The following TNFSF4 variants were observed in gnomAD, a reference collection of about 807,000 sequenced individuals.
TNFSF4 encodes tumor necrosis factor ligand superfamily member 4.
TNFSF4 carries 4 observed loss-of-function variants against 7.3 expected under a neutral mutation model. That is an observed-to-expected ratio of 0.55 (90% CI 0.27 to 1.25). TNFSF4 has a LOEUF of 1.25. Among genes scored for constraint, TNFSF4 ranks in the 50% most tolerant of loss-of-function variants. The pLI is 0.12. For synonymous variants in TNFSF4, 76 were observed against 83.7 expected (o/e 0.91, Z 0.50); for missense variants, 181 against 208.8 (o/e 0.87, Z 0.82).
the TNFSF4 span, among the ~76,000 whole-genome samples, chr1:173,231,922 T>A: frequency 6.6e-6 from 1 of 152,100 alleles, no homozygotes; most frequent in South Asian, 2.1e-4. Flanking sequence ...GCTTTGTTCT[T>A]TTGGCTTAGG....
chr1:173,326,841 C>G, the TNFSF4 span, among the ~76,000 whole-genome samples: 2 of 152,146 alleles, frequency 1.3e-5, no homozygotes, highest in African/African-American at 4.8e-5. Context: ...AGGAGAACTA[C>G]AAACCACTGC....
the TNFSF4 span, among the ~76,000 whole-genome samples, chr1:173,244,741 C>T: frequency 1.4e-4 from 21 of 151,710 alleles, no homozygotes; most frequent in Middle Eastern, 6.8e-3. Flanking sequence ...TGTTCACAGC[C>T]GCGCAAATGA....
chr1:173,231,459 G>A, the TNFSF4 span, among the ~76,000 whole-genome samples: 1 of 152,028 alleles, frequency 6.6e-6, no homozygotes, highest in South Asian at 2.1e-4. Context: ...AATAATAATA[G>A]CTATTTATGA....
At chr1:173,318,616 T>C in the TNFSF4 span, among the ~76,000 whole-genome samples, 1 of 152,236 alleles carries the variant, frequency 6.6e-6, no homozygotes, top group African/African-American at 2.4e-5. Context: ...AATATATTTC[T>C]ATATACCAGA....
chr1:173,205,613 C>T, intron 1 of TNFSF4: 1 of 1,128,972 alleles, frequency 8.9e-7, no homozygotes, highest in Non-Finnish European at 1.1e-6. Context: ...AAAAAGCACT[C>T]TCAGGGCTCC....
At chr1:173,213,922 G>A in the TNFSF4 span, among the ~76,000 whole-genome samples, 2 of 152,266 alleles carry the variant, frequency 1.3e-5, no homozygotes, top group South Asian at 4.1e-4. Flanking sequence ...TGGATTGGGG[G>A]TAGGGTGCCA....
chr1:173,206,767 T>C (rs918027324), intron 1 of TNFSF4, among the ~76,000 whole-genome samples: 9 of 152,116 alleles, frequency 5.9e-5, no homozygotes, highest in African/African-American at 2.2e-4. Context: ...GAATCTTGCA[T>C]TGCAAAGAAA....
At chr1:173,302,387 GAGAA>G in the TNFSF4 span, among the ~76,000 whole-genome samples, 1 of 151,934 alleles carries the variant, frequency 6.6e-6, no homozygotes, top group Non-Finnish European at 1.5e-5. Flanking sequence ...AAGCAAGGAA[GAGAA>G]AGAAAGAGGG....
the TNFSF4 span, among the ~76,000 whole-genome samples, chr1:173,393,793 C>T: frequency 3.9e-5 from 6 of 152,188 alleles, no homozygotes; most frequent in South Asian, 2.1e-4. Context: ...TGATCCACTA[C>T]GGACACAAAA....
chr1:173,195,974 A>T (rs760511064), intron 1 of TNFSF4, among the ~76,000 whole-genome samples: 5 of 152,168 alleles, frequency 3.3e-5, no homozygotes, highest in Non-Finnish European at 7.3e-5. Context: ...ACCAGTGGAG[A>T]TCTGAGAGAT....
At chr1:173,299,776 T>G in the TNFSF4 span, among the ~76,000 whole-genome samples, 2 of 151,860 alleles carry the variant, frequency 1.3e-5, no homozygotes, top group Non-Finnish European at 2.9e-5. Context: ...GGTAACTATA[T>G]GAATTAGGAT....
At chr1:173,368,767 T>C in the TNFSF4 span, among the ~76,000 whole-genome samples, 1 of 152,090 alleles carries the variant, frequency 6.6e-6, no homozygotes, top group African/African-American at 2.4e-5. Context: ...CAAGAGAGAC[T>C]AGCCCATCTA....
At chr1:173,331,356 A>G in the TNFSF4 span, among the ~76,000 whole-genome samples, 1 of 152,340 alleles carries the variant, frequency 6.6e-6, no homozygotes, top group Admixed American at 6.5e-5. Context: ...GGAAAACACC[A>G]CTGGGAAGGT....
chr1:173,425,559 G>A, the TNFSF4 span, among the ~76,000 whole-genome samples: 1 of 152,206 alleles, frequency 6.6e-6, no homozygotes, highest in African/African-American at 2.4e-5. Flanking sequence ...AACATAACTA[G>A]TGATATGGGG....
the TNFSF4 span, among the ~76,000 whole-genome samples, chr1:173,383,616 TG>T: frequency 6.6e-6 from 1 of 152,204 alleles, no homozygotes. Flanking sequence ...TCAGAAAGAA[TG>T]GAACAATGCT....
the TNFSF4 span, among the ~76,000 whole-genome samples, chr1:173,265,769 C>T: frequency 6.6e-6 from 1 of 152,114 alleles, no homozygotes; most frequent in South Asian, 2.1e-4. Flanking sequence ...ATATTCTTTC[C>T]CACTAAATTT....
the TNFSF4 span, among the ~76,000 whole-genome samples, chr1:173,263,982 G>A: frequency 2.0e-5 from 3 of 152,162 alleles, no homozygotes; most frequent in Non-Finnish European, 2.9e-5. Flanking sequence ...CTATTTGAGG[G>A]TGGAAGGTGG....
the TNFSF4 span, among the ~76,000 whole-genome samples, chr1:173,329,004 G>A: frequency 6.6e-6 from 1 of 152,148 alleles, no homozygotes; most frequent in African/African-American, 2.4e-5. Flanking sequence ...CAGCATTTTT[G>A]TAACATTAAA....
chr1:173,198,870 TG>T (rs1333111486), intron 1 of TNFSF4, among the ~76,000 whole-genome samples: 1 of 152,172 alleles, frequency 6.6e-6, no homozygotes, highest in Non-Finnish European at 1.5e-5. Flanking sequence ...GACTGGCGAA[TG>T]GTAACATCAT....
Sources: gnomAD v4.1 joint callset for allele counts (sites outside exome capture counted in the v4.1 genomes callset) on GRCh38, gnomAD v4.1.1 for gene constraint, MANE v1.5 for transcripts, NCBI Gene and HGNC (gene_info 2026-07-23, HGNC 2026-07-21) for gene names.